The following RCAN1 variants were observed in gnomAD, a reference collection of about 807,000 sequenced individuals.
RCAN1 encodes regulator of calcineurin 1, also known as calcipressin-1.
Under a neutral mutation model 22.9 loss-of-function variants are expected in RCAN1, and 11 were observed. The ratio of observed to expected loss-of-function variants is 0.48; its 90% CI spans 0.30 to 0.79. RCAN1 has a LOEUF of 0.79. Among genes scored for constraint, RCAN1 ranks in the 30% least tolerant of loss-of-function variants. The probability of loss-of-function intolerance (pLI) is 0.06; values close to 1 mark genes in which losing one functional copy is unlikely to be tolerated. For missense variants in RCAN1, 291 were observed against 337.8 expected, an observed-to-expected ratio of 0.86 and a Z score of 1.09; for synonymous variants, 136 against 142.3, an observed-to-expected ratio of 0.96 and a Z score of 0.32.
At chr21:34,593,991 G>A (rs1280953448) in intron 1 of RCAN1, among the ~76,000 whole-genome samples, 1 of 152,154 alleles carries the variant, frequency 6.6e-6, no homozygotes. Context: ...CTCTTATTTA[G>A]CAGTATAGGC....
At chr21:34,550,471 G>T (rs544243051) in intron 1 of RCAN1, among the ~76,000 whole-genome samples, 4 of 152,078 alleles carry the variant, frequency 2.6e-5, no homozygotes, top group South Asian at 2.1e-4. Context: ...CAATCTGCTG[G>T]GTGTCATTAT....
At chr21:34,564,198 C>G (rs888349151) in intron 1 of RCAN1, among the ~76,000 whole-genome samples, 1 of 152,080 alleles carries the variant, frequency 6.6e-6, no homozygotes, top group African/African-American at 2.4e-5. Context: ...TGGGGGAAAC[C>G]GTCCCCACGA....
At chr21:34,552,281 C>T (rs1986397477) in intron 1 of RCAN1, among the ~76,000 whole-genome samples, 1 of 150,922 alleles carries the variant, frequency 6.6e-6, no homozygotes, top group Non-Finnish European at 1.5e-5. Flanking sequence ...AGAGCCCCAC[C>T]TGAGATCTAC....
At chr21:34,563,109 G>A (rs921538527) in intron 1 of RCAN1, among the ~76,000 whole-genome samples, 3 of 152,146 alleles carry the variant, frequency 2.0e-5, no homozygotes, top group African/African-American at 7.2e-5. Context: ...AGGAACATGG[G>A]GAGACAAAGA....
intron 1 of RCAN1, among the ~76,000 whole-genome samples, chr21:34,535,248 C>T (rs973985752): frequency 2.6e-5 from 4 of 152,232 alleles, no homozygotes; most frequent in Non-Finnish European, 1.5e-5. Context: ...AACAGAAGAA[C>T]ATTCTTCTTG....
intron 1 of RCAN1, among the ~76,000 whole-genome samples, chr21:34,564,465 T>A (rs1434328532): frequency 6.6e-6 from 1 of 152,018 alleles, no homozygotes. Flanking sequence ...GGGGGAAGAC[T>A]GCCCTGGGCC....
At chr21:34,571,549 C>G (rs963553248) in intron 1 of RCAN1, among the ~76,000 whole-genome samples, 1 of 152,134 alleles carries the variant, frequency 6.6e-6, no homozygotes, top group East Asian at 1.9e-4. Context: ...TAGAACTGTA[C>G]ACAGAATACA....
At chr21:34,588,514 A>G (rs1987872312) in intron 1 of RCAN1, among the ~76,000 whole-genome samples, 1 of 152,258 alleles carries the variant, frequency 6.6e-6, no homozygotes, top group South Asian at 2.1e-4. Context: ...GATGGCTAGT[A>G]TCAAAAACAG....
chr21:34,551,296 C>T (rs1196504675), intron 1 of RCAN1, among the ~76,000 whole-genome samples: 1 of 152,230 alleles, frequency 6.6e-6, no homozygotes, highest in Non-Finnish European at 1.5e-5. Flanking sequence ...GGAAAAGTCA[C>T]AGATATTTAC....
At chr21:34,596,587 T>G (rs1381651988) in intron 1 of RCAN1, among the ~76,000 whole-genome samples, 1 of 152,182 alleles carries the variant, frequency 6.6e-6, no homozygotes, top group African/African-American at 2.4e-5. Flanking sequence ...TCGTAAGGTT[T>G]AGAGCCGTCT....
intron 1 of RCAN1, among the ~76,000 whole-genome samples, chr21:34,543,975 A>G (rs1297013637): frequency 6.6e-6 from 1 of 152,244 alleles, no homozygotes; most frequent in Non-Finnish European, 1.5e-5. Flanking sequence ...TATTATCTCT[A>G]GACTGAATCC....
rs140352524 is a variant in RCAN1, at chr21:34,605,875, G to A, written c.252+8885C>T. On this transcript the variant is annotated intron_variant, in intron 1 of 3. Transcript: ENST00000313806. ...GCAGAGGTTGCAGTGAGCTGAGATC[G>A]TGCCATTGTACTCCAGCCTGGGCAA... Among the ~76,000 whole-genome samples, 602 of 147,876 alleles carry A rather than the reference G, an allele frequency of 4.1e-3. 4 individuals carry two copies. The highest frequency in any genetic ancestry group is 8.2e-3 in the African/African-American group (328 of 39,996).
In RCAN1 at chr21:34,521,661, G is replaced by A; in HGVS notation, c.427-3C>T. The A allele has an allele frequency of 6.2e-7, 1 of 1,605,936 alleles. No individual in the cohort carries two copies. Among genetic ancestry groups the A allele is most frequent in the South Asian group, 1.1e-5 (1 of 89,662 alleles). On this transcript the variant is annotated splice_polypyrimidine_tract_variant and splice_region_variant and intron_variant, in intron 2 of 3. Coordinates refer to ENST00000313806, the MANE Select transcript of RCAN1 (RefSeq NM_004414.7). ...TGTGAGCTTCCTATGTGTAAGGTCT[G>A]AGGAGAGAAAATAAGCACAGGTCAG...
intron 1 of RCAN1, among the ~76,000 whole-genome samples, chr21:34,532,802 T>A (rs987311013): frequency 6.6e-6 from 1 of 152,208 alleles, no homozygotes; most frequent in African/African-American, 2.4e-5. Context: ...AAATGAAGTG[T>A]AAACCCTGCC....
intron 3 of RCAN1, chr21:34,520,967 G>A: frequency 1.7e-6 from 1 of 594,742 alleles, no homozygotes; most frequent in Non-Finnish European, 2.2e-6. Context: ...GCTCTGTAGG[G>A]GACCAGCCCA....
At chr21:34,541,775 A>AC (rs1985924940) in intron 1 of RCAN1, among the ~76,000 whole-genome samples, 1 of 152,106 alleles carries the variant, frequency 6.6e-6, no homozygotes, top group Admixed American at 6.5e-5. Context: ...TCTACTAAAA[A>AC]CACAAAAAAC....
chr21:34,586,146 G>GT (rs1987785917), intron 1 of RCAN1, among the ~76,000 whole-genome samples: 1 of 152,208 alleles, frequency 6.6e-6, no homozygotes, highest in Non-Finnish European at 1.5e-5. Flanking sequence ...ACGAAATTCA[G>GT]TAAGGCCATA....
intron 1 of RCAN1, among the ~76,000 whole-genome samples, chr21:34,588,825 T>C (rs540443816): frequency 5.9e-5 from 9 of 152,292 alleles, no homozygotes; most frequent in Non-Finnish European, 1.2e-4. Flanking sequence ...AGTCCATCCA[T>C]ACAGTAGAAT....
At chr21:34,546,792 C>T (rs1568900103) in intron 1 of RCAN1, among the ~76,000 whole-genome samples, 1 of 152,126 alleles carries the variant, frequency 6.6e-6, no homozygotes, top group African/African-American at 2.4e-5. Flanking sequence ...CATTCAATTC[C>T]ATTTTAGATA....
Sources: gnomAD v4.1 joint callset for allele counts (sites outside exome capture counted in the v4.1 genomes callset) on GRCh38, gnomAD v4.1.1 for gene constraint, MANE v1.5 for transcripts, NCBI Gene and HGNC (gene_info 2026-07-23, HGNC 2026-07-21) for gene names.